PLCL2: variants seen among roughly 807,000 people sequenced by gnomAD.
PLCL2 encodes inactive phospholipase C-like protein 2.
PLCL2 carries 4 observed loss-of-function variants against 79.6 expected under a neutral mutation model. The ratio of observed to expected loss-of-function variants is 0.05; its 90% CI spans 0.02 to 0.11. The LOEUF (loss-of-function observed/expected upper bound fraction) is 0.11, where lower values mean the gene tolerates loss of function less well. PLCL2 is among the 10% of genes least tolerant of loss of function. The pLI is 1.00. For synonymous variants in PLCL2, 484 were observed against 457.7 expected, an observed-to-expected ratio of 1.06 and a Z score of -0.73; for missense variants, 895 against 1,291.0, an observed-to-expected ratio of 0.69 and a Z score of 4.70.
At chr3:17,041,660 C>G (rs2064723135) in intron 3 of PLCL2, among the ~76,000 whole-genome samples, 2 of 152,228 alleles carry the variant, frequency 1.3e-5, no homozygotes, top group African/African-American at 4.8e-5. Flanking sequence ...AAAAATAAGG[C>G]AGGCCAGGTG....
intron 4 of PLCL2, among the ~76,000 whole-genome samples, chr3:17,065,333 T>C (rs2064999015): frequency 6.6e-6 from 1 of 152,194 alleles, no homozygotes; most frequent in African/African-American, 2.4e-5. Flanking sequence ...TTCAACTCTG[T>C]TGCATCTTCA....
intron 1 of PLCL2, among the ~76,000 whole-genome samples, chr3:16,945,749 G>C (rs2124954482): frequency 6.6e-6 from 1 of 152,256 alleles, no homozygotes; most frequent in East Asian, 1.9e-4. Context: ...CGGTCATATA[G>C]CCACTCTGTT....
chr3:17,047,786 AGCCT>A (rs1231641766), intron 4 of PLCL2, among the ~76,000 whole-genome samples: 4 of 152,220 alleles, frequency 2.6e-5, no homozygotes, highest in Non-Finnish European at 5.9e-5. Flanking sequence ...CACACACAGC[AGCCT>A]GCCTGCTGTG....
At chr3:16,952,390 A>AAAAAAAAAAC (rs2063663106) in intron 1 of PLCL2, among the ~76,000 whole-genome samples, 2 of 143,552 alleles carry the variant, frequency 1.4e-5, no homozygotes, top group African/African-American at 2.7e-5. Context: ...AAAAAAAAAA[A>AAAAAAAAAAC]AGAACCTGTT....
chr3:16,903,006 T>C (rs1346414200), intron 1 of PLCL2, among the ~76,000 whole-genome samples: 1 of 152,106 alleles, frequency 6.6e-6, no homozygotes, highest in Non-Finnish European at 1.5e-5. Flanking sequence ...TCATTTGAAA[T>C]ACAAAGCAAA....
chr3:17,070,613 T>G (rs73025686), intron 5 of PLCL2, among the ~76,000 whole-genome samples: 54 of 152,292 alleles, frequency 3.5e-4, no homozygotes, highest in Admixed American at 5.9e-4. Flanking sequence ...TTTTTTTCAT[T>G]CCTGTATGTC....
chr3:16,906,513 A>C (rs1352523598), intron 1 of PLCL2, among the ~76,000 whole-genome samples: 5 of 152,194 alleles, frequency 3.3e-5, no homozygotes, highest in African/African-American at 1.2e-4. Context: ...CAAAATTTTA[A>C]TCAAATTTCA....
intron 1 of PLCL2, among the ~76,000 whole-genome samples, chr3:16,999,532 C>T (rs938938941): frequency 1.3e-5 from 2 of 152,134 alleles, no homozygotes; most frequent in African/African-American, 4.8e-5. Context: ...ATCATTGTAA[C>T]AACCCTGTGA....
rs868149777 is a variant in PLCL2, at chr3:17,032,207, C to T, written c.3019-10667C>T. ...ATCTTTTGGTACAACTGGAACCCCT[C>T]CAGCGACCTTTTCAAACTATTGCCT... On this transcript the variant is annotated intron_variant, in intron 3 of 5. Transcript: ENST00000615277. Among the ~76,000 whole-genome samples the T allele has an allele frequency of 3.5e-4, 54 of 152,216 alleles. No homozygotes were observed. In the Middle Eastern group the frequency reaches 0.01, roughly 29 times the overall value.
At chr3:16,978,049 G>A (rs1428997752) in intron 1 of PLCL2, among the ~76,000 whole-genome samples, 1 of 152,178 alleles carries the variant, frequency 6.6e-6, no homozygotes, top group Non-Finnish European at 1.5e-5. Flanking sequence ...TGGGGATTAG[G>A]TTACAACATC....
chr3:16,979,398 A>T (rs1310723435), intron 1 of PLCL2, among the ~76,000 whole-genome samples: 1 of 124,674 alleles, frequency 8.0e-6, no homozygotes, highest in Non-Finnish European at 1.6e-5. Flanking sequence ...GGGATTTGGC[A>T]GGGTCACAGG....
At position 16,956,557 on chromosome 3, in the gene PLCL2, C is replaced by G. The variant is rs547747905; in HGVS notation, c.328-53117C>G. Among the ~76,000 whole-genome samples the G allele has an allele frequency of 2.3e-3, 347 of 152,156 alleles. 3 individuals are homozygous for G. The highest frequency in any genetic ancestry group is 6.8e-3 in the Middle Eastern group (2 of 294). ...TGCTGACCTCATAAAATGAGTTAGG[C>G]AGGATTCCCTCTTTTTCTATTGATT... On this transcript the variant is annotated intron_variant, in intron 1 of 5. Coordinates refer to ENST00000615277, the MANE Select transcript of PLCL2 (RefSeq NM_001144382.2).
At chr3:17,057,938 A>C (rs2064907712) in intron 4 of PLCL2, among the ~76,000 whole-genome samples, 1 of 152,226 alleles carries the variant, frequency 6.6e-6, no homozygotes, top group African/African-American at 2.4e-5. Context: ...ATTCCACAGA[A>C]AAACGGGATA....
At chr3:17,079,921 T>C (rs561270302) in intron 5 of PLCL2, among the ~76,000 whole-genome samples, 20 of 152,232 alleles carry the variant, frequency 1.3e-4, no homozygotes, top group Admixed American at 1.1e-3. Context: ...AGACACTGCC[T>C]CGAACCACAG....
chr3:17,031,498 C>T (rs1312595144), intron 3 of PLCL2, among the ~76,000 whole-genome samples: 4 of 152,098 alleles, frequency 2.6e-5, no homozygotes, highest in South Asian at 4.1e-4. Flanking sequence ...ATAAGGATGT[C>T]GTGTAAACAT....
intron 1 of PLCL2, among the ~76,000 whole-genome samples, chr3:16,890,011 G>T (rs1696310279): frequency 6.6e-6 from 1 of 152,150 alleles, no homozygotes; most frequent in Non-Finnish European, 1.5e-5. Flanking sequence ...ATTAAGGTCA[G>T]AAAAATCTAA....
At chr3:17,046,654 A>T (rs758002485) in intron 4 of PLCL2, among the ~76,000 whole-genome samples, 96 of 152,316 alleles carry the variant, frequency 6.3e-4, no homozygotes, top group Non-Finnish European at 1.3e-3. Flanking sequence ...TTTTTCTTTA[A>T]GCCACAAATC....
intron 1 of PLCL2, among the ~76,000 whole-genome samples, chr3:16,917,976 C>G (rs760864388): frequency 6.6e-6 from 1 of 152,158 alleles, no homozygotes; most frequent in Non-Finnish European, 1.5e-5. Flanking sequence ...GTGAATCATT[C>G]AAATGTCTCA....
chr3:17,046,062 T>C lies in PLCL2; in HGVS notation c.3094+3113T>C, dbSNP rs553907317. On this transcript the variant is annotated intron_variant, in intron 4 of 5. Transcript: ENST00000615277. ...AATATCAGATCCTGCAGGGGTGATATGGGATGCGTGAGTCTGGGCCGCCAT... is the reference window on the plus strand; with the variant it reads ...AATATCAGATCCTGCAGGGGTGATACGGGATGCGTGAGTCTGGGCCGCCAT... Among the ~76,000 whole-genome samples, 173 of 152,116 alleles carry C rather than the reference T, an allele frequency of 1.1e-3. 1 individual carries two copies. The highest frequency in any genetic ancestry group is 3.8e-3 in the African/African-American group (156 of 41,502).
Sources: allele counts gnomAD v4.1 joint callset (sites outside exome capture counted in the v4.1 genomes callset), GRCh38; gene constraint gnomAD v4.1.1; transcripts MANE v1.5; gene names NCBI Gene and HGNC (gene_info 2026-07-23, HGNC 2026-07-21).